QSER1: variants seen among roughly 807,000 people sequenced by gnomAD.
QSER1 encodes glutamine and serine rich 1, also known as glutamine and serine-rich protein 1.
A neutral mutation model predicts 158.5 loss-of-function variants in QSER1; 49 were observed. That is an observed-to-expected ratio of 0.31 (90% CI 0.25 to 0.39). QSER1 has a LOEUF of 0.39. Ranked by LOEUF, QSER1 falls within the 10% of genes least tolerant of loss-of-function variation. The pLI, the probability that QSER1 is intolerant of heterozygous loss-of-function variation, is 1.00. For synonymous variants in QSER1, 650 were observed against 715.5 expected, an observed-to-expected ratio of 0.91 and a Z score of 1.46; for missense variants, 1,754 against 2,010.3, an observed-to-expected ratio of 0.87 and a Z score of 2.44.
intron 10 of QSER1, among the ~76,000 whole-genome samples, chr11:32,970,480 C>T (rs1035060728): frequency 1.3e-5 from 2 of 152,196 alleles, no homozygotes; most frequent in Admixed American, 1.3e-4. Context: ...TCTCAGCCCA[C>T]TGCCATCTCC....
intron 8 of QSER1, among the ~76,000 whole-genome samples, chr11:32,964,731 T>TACACACACACAC (rs1356506353): frequency 1.7e-4 from 19 of 113,078 alleles, no homozygotes; most frequent in Non-Finnish European, 3.0e-4. Context: ...TATATATATA[T>TACACACACACAC]ATATATATAC....
In QSER1 at chr11:32,979,962, G is replaced by A. The variant is rs1027740386; in HGVS notation, c.*3488G>A. ...TTTCATATAGAGTGAAATATCCCAG[G>A]ATAACTGCTTCTGTGTCAGTCGCAT... On this transcript the variant is annotated 3_prime_UTR_variant, in exon 13 of 13. Coordinates refer to ENST00000650167, the MANE Select transcript of QSER1 (RefSeq NM_001076786.3). The A allele has an allele frequency of 1.3e-5, 2 of 152,248 alleles. No individual in the cohort carries two copies. Among genetic ancestry groups the A allele is most frequent in the Admixed American group, 1.3e-4 (2 of 15,272 alleles). 9.4% of individuals were successfully genotyped at this position (152,248 alleles called of 1,614,324 possible).
Position 32,932,575 on chromosome 11 carries a change from C to CA in QSER1, c.1320dup (p.Pro441ThrfsTer4). 1 of 1,614,122 alleles carries CA rather than the reference C, an allele frequency of 6.2e-7. No homozygotes were observed. The highest frequency in any genetic ancestry group is 8.5e-7 in the Non-Finnish European group (1 of 1,179,992). ...CTCCTGTGCAAACACTAAGCTATTCCAAACCTTTACATAATCAGAGTTCTG... is the reference window on the plus strand; with the variant it reads ...CTCCTGTGCAAACACTAAGCTATTCCAAAACCTTTACATAATCAGAGTTCTG... On this transcript the variant is annotated frameshift_variant, in exon 4 of 13. Transcript: ENST00000650167. LOFTEE classifies it high-confidence loss of function.
intron 1 of QSER1, among the ~76,000 whole-genome samples, chr11:32,909,847 G>T (rs994911198): frequency 6.6e-6 from 1 of 152,144 alleles, no homozygotes; most frequent in African/African-American, 2.4e-5. Context: ...ACATTATAAG[G>T]TGTATTTTGA....
At chr11:32,909,136 G>C (rs1332228426) in intron 1 of QSER1, among the ~76,000 whole-genome samples, 1 of 152,158 alleles carries the variant, frequency 6.6e-6, no homozygotes, top group Non-Finnish European at 1.5e-5. Flanking sequence ...CTCCAGCCGG[G>C]CAACAGGGCA....
At chr11:32,920,197 T>C (rs978737268) in intron 1 of QSER1, among the ~76,000 whole-genome samples, 4 of 152,224 alleles carry the variant, frequency 2.6e-5, no homozygotes, top group Non-Finnish European at 5.9e-5. Flanking sequence ...ACATGTAGCT[T>C]GTTTTAATAT....
chr11:32,972,406 CTTATTTATTTATTTATTTATTTAT>C (rs34645067), intron 10 of QSER1, among the ~76,000 whole-genome samples: 2 of 141,008 alleles, frequency 1.4e-5, no homozygotes, highest in African/African-American at 5.3e-5. Flanking sequence ...AGGCCAGTGG[CTTATTTATTTATTTATTTATTTAT>C]TTATTTATTT....
intron 4 of QSER1, among the ~76,000 whole-genome samples, chr11:32,944,206 T>C (rs1481670628): frequency 1.3e-5 from 2 of 151,392 alleles, no homozygotes; most frequent in Non-Finnish European, 3.0e-5. Context: ...TCATTAATTT[T>C]TTGAAGGGTT....
In QSER1 at chr11:32,935,044, G is replaced by A; in HGVS notation, c.3786G>A (p.Gln1262=). ...ATCAGCATCAAGAAAAAATGAGACA[G>A]AAGATCAAAGAGGTGGAGGAAAAAC... The part of the protein sequence containing the change: ...DGYQHQEKMR[Q]KIKEVEEKQP... Residue 1262 remains glutamine (Q), a synonymous_variant, in exon 4 of 13, where the codon CAG becomes CAA. Transcript: ENST00000650167. 6.2e-7 allele frequency: 1 copy of A among 1,614,086 alleles called. No individual in the cohort carries two copies. The highest frequency in any genetic ancestry group is 1.3e-5 in the African/African-American group (1 of 75,032).
At chr11:32,894,459 G>A (rs2786800) in intron 1 of QSER1, among the ~76,000 whole-genome samples, 113,546 of 152,096 alleles carry the variant, frequency 0.75, 43,913 homozygotes, top group East Asian at 0.99. Context: ...AAGCTTCGTG[G>A]CTTTATGATC....
chr11:32,969,165 T>C (rs1457695925), intron 10 of QSER1, 22 bp downstream of exon 10: 8 of 1,358,268 alleles, frequency 5.9e-6, no homozygotes, highest in Non-Finnish European at 8.3e-6. Context: ...TGATGACTTA[T>C]TAGCAAAACT....
chr11:32,966,271 T>G (rs1852745512), intron 8 of QSER1, 29 bp from the exon 9 acceptor site: 1 of 1,597,304 alleles, frequency 6.3e-7, no homozygotes, highest in Non-Finnish European at 8.5e-7. Flanking sequence ...GGAAGGAAAA[T>G]TTAATATTTA....
At chr11:32,946,748 TG>T (rs1304280387) in intron 4 of QSER1, among the ~76,000 whole-genome samples, 1 of 151,952 alleles carries the variant, frequency 6.6e-6, no homozygotes, top group Non-Finnish European at 1.5e-5. Context: ...TGAGCTGTGG[TG>T]GGCTCCACCC....
At chr11:32,936,043 A>T (rs937228126) in intron 4 of QSER1, among the ~76,000 whole-genome samples, 7 of 148,932 alleles carry the variant, frequency 4.7e-5, no homozygotes, top group African/African-American at 1.7e-4. Context: ...TTTAGAGGAA[A>T]TTTTTTTTTT....
At chr11:32,942,747 T>C (rs1254546208) in intron 4 of QSER1, among the ~76,000 whole-genome samples, 2 of 152,156 alleles carry the variant, frequency 1.3e-5, no homozygotes, top group African/African-American at 2.4e-5. Flanking sequence ...AACTTTAAAG[T>C]AGTTTTTTCC....
Position 32,893,032 on chromosome 11 carries a change from C to T in QSER1, c.-94C>T, listed in dbSNP as rs969252649. The stretch of plus-strand genomic sequence containing the variant: ...GCTCCCTCCACCGCCGCCGCCCCCT[C>T]TTCCTCCCCCGCCCCCTCTCCCTGC... On this transcript the variant is annotated 5_prime_UTR_variant, in exon 1 of 13. Coordinates refer to ENST00000650167, the MANE Select transcript of QSER1 (RefSeq NM_001076786.3). The surrounding 1 kb of genome is among the most constrained non-coding windows in gnomAD (Gnocchi z 4.7). 2.1e-5 allele frequency: 3 copies of T among 139,920 alleles called. No homozygotes were observed. Among genetic ancestry groups the T allele is most frequent in the Non-Finnish European group, 4.7e-5 (3 of 63,456 alleles). The allele number at this position is 139,920 out of a possible 1,614,324, so 8.7% of individuals were successfully genotyped here.
chr11:32,896,754 T>C (rs1216602345), intron 1 of QSER1, among the ~76,000 whole-genome samples: 1 of 152,096 alleles, frequency 6.6e-6, no homozygotes, highest in African/African-American at 2.4e-5. Flanking sequence ...AATGCATACT[T>C]TTTTTTAGTA....
intron 1 of QSER1, among the ~76,000 whole-genome samples, chr11:32,925,348 T>TA (rs1470644506): frequency 1.3e-5 from 2 of 152,042 alleles, no homozygotes; most frequent in East Asian, 3.8e-4. Context: ...TACAGAAAAA[T>TA]GCACCTCCTC....
In QSER1 at chr11:32,953,902, G is replaced by T; in HGVS notation, c.4223G>T (p.Gly1408Val). The T allele has an allele frequency of 6.2e-7, 1 of 1,614,092 alleles. No homozygotes were observed. Among genetic ancestry groups the T allele is most frequent in the Non-Finnish European group, 8.5e-7 (1 of 1,179,998 alleles). ...ACTAGCCCAACTGCCAATACTACTG[G>T]TACTGCTACTACTTCCTCAACCACT... The part of the protein sequence containing the change: ...ATTSPTANTT[G>V]TATTSSTTVG... The change falls in exon 5 of 13, where the codon GGT becomes GTT. Residue 1408 changes from glycine to valine, a missense_variant. By Grantham distance (109) the Gly-to-Val change is moderately radical. Coordinates refer to ENST00000650167, the MANE Select transcript of QSER1 (RefSeq NM_001076786.3).
Sources: gnomAD v4.1 joint callset for allele counts (sites outside exome capture counted in the v4.1 genomes callset) on GRCh38, gnomAD v4.1.1 for gene constraint, Gnocchi (gnomAD v3.1) non-coding constraint, MANE v1.5 for transcripts, NCBI Gene and HGNC (gene_info 2026-07-23, HGNC 2026-07-21) for gene names.